SPTAN1: variants seen among roughly 807,000 people sequenced by gnomAD.
SPTAN1 encodes spectrin alpha, non-erythrocytic 1, also known as spectrin alpha chain, non-erythrocytic 1.
In SPTAN1, 61 loss-of-function variants were observed where a neutral mutation model predicts 331.3. That is an observed-to-expected ratio of 0.18 (90% CI 0.15 to 0.23). SPTAN1 has a LOEUF of 0.23. Ranked by LOEUF, SPTAN1 falls within the 10% of genes least tolerant of loss-of-function variation. The pLI is 1.00. For missense variants in SPTAN1, 2,043 were observed against 3,147.9 expected, an observed-to-expected ratio of 0.65 and a Z score of 8.40; for synonymous variants, 1,153 against 1,173.9, an observed-to-expected ratio of 0.98 and a Z score of 0.36.
At chr9:128,614,159 T>TA (rs1357235151) in intron 40 of SPTAN1, among the ~76,000 whole-genome samples, 1 of 152,034 alleles carries the variant, frequency 6.6e-6, no homozygotes, top group Non-Finnish European at 1.5e-5. Flanking sequence ...CATAGTTTCT[T>TA]AAAGCTTAGC....
chr9:128,577,426 G>A lies in SPTAN1; in HGVS notation c.1005G>A (p.Lys335=). The A allele has an allele frequency of 1.2e-6, 2 of 1,614,224 alleles. No homozygotes were observed. The highest frequency in any genetic ancestry group is 1.7e-6 in the Non-Finnish European group (2 of 1,180,038). Residue 335 remains lysine (K), a synonymous_variant, in exon 8 of 57, where the codon AAG becomes AAA. Transcript: ENST00000372739. This position sits in a 1 kb window ranked among gnomAD's most constrained non-coding sequence, Gnocchi z 4.2. ...HPLSATQIQV[K]REELITNWEQ... Reference sequence around the variant, plus strand: ...TGAGTGCAACACAGATTCAAGTGAAGCGAGAGGAACTGATTACAAACTGGG... The same window carrying A: ...TGAGTGCAACACAGATTCAAGTGAAACGAGAGGAACTGATTACAAACTGGG...
At position 128,632,832 on chromosome 9, in the gene SPTAN1, A is replaced by G. The variant is rs752726334; in HGVS notation, c.7185A>G (p.Glu2395=). The G allele has an allele frequency of 6.2e-7, 1 of 1,614,094 alleles. No homozygotes were observed. Among genetic ancestry groups the G allele is most frequent in the Admixed American group, 1.7e-5 (1 of 60,016 alleles). The change falls in exon 56 of 57, where the codon GAA becomes GAG. Residue 2395 remains glutamate (E), a synonymous_variant. Coordinates refer to ENST00000372739, the MANE Select transcript of SPTAN1 (RefSeq NM_001130438.3). ...GAGATGGCCATGTCTCCTTGCAAGA[A>G]TACATGGCTTTCATGATCAGCCGCG... ...PNRDGHVSLQ[E]YMAFMISRET... is the part of the protein sequence containing the mutation.
intron 1 of SPTAN1, among the ~76,000 whole-genome samples, chr9:128,557,818 T>G (rs1848818752): frequency 6.8e-6 from 1 of 147,574 alleles, no homozygotes; most frequent in Admixed American, 6.8e-5. Context: ...TTTTTTTTTT[T>G]TTTGAGACGG....
chr9:128,618,811 C>CA, intron 43 of SPTAN1, 60 bp from the exon 44 acceptor site: 1 of 1,613,120 alleles, frequency 6.2e-7, no homozygotes, highest in Non-Finnish European at 8.5e-7. Context: ...CATATGTTAA[C>CA]TATCACAATC....
chr9:128,567,631 C>A (rs549268133), intron 2 of SPTAN1, among the ~76,000 whole-genome samples: 1 of 151,676 alleles, frequency 6.6e-6, no homozygotes, highest in Admixed American at 6.6e-5. Context: ...ATGTTGCTGG[C>A]AAAAATTTAT....
At chr9:128,594,034 ACT>A in intron 23 of SPTAN1, 139 bp from the exon 24 acceptor site, 3 of 785,026 alleles carry the variant, frequency 3.8e-6, no homozygotes, top group Non-Finnish European at 6.6e-6. Context: ...TCATCTGATA[ACT>A]CTGTTACTAG....
intron 21 of SPTAN1, 113 bp from the exon 22 acceptor site, chr9:128,591,364 C>T (rs1853494291): frequency 7.1e-7 from 1 of 1,414,198 alleles, no homozygotes; most frequent in African/African-American, 1.4e-5. Context: ...CTGTGGCCGG[C>T]CGTTTTGGAC....
chr9:128,600,169 T>C (rs893551224), intron 27 of SPTAN1, 54 bp downstream of exon 27: 1 of 1,577,708 alleles, frequency 6.3e-7, no homozygotes, highest in Non-Finnish European at 8.7e-7. Flanking sequence ...GATCATGAAA[T>C]ATGTCCTTTT....
chr9:128,602,439 TCTC>T (rs1176876572), intron 27 of SPTAN1, among the ~76,000 whole-genome samples: 2 of 151,384 alleles, frequency 1.3e-5, no homozygotes, highest in African/African-American at 4.9e-5. Context: ...CTGGTATTGA[TCTC>T]CTAACCTCAC....
rs1856325284 is a variant in SPTAN1, at chr9:128,609,502, A to G, written c.4759-149A>G. On this transcript the variant is annotated intron_variant, in intron 36 of 56. Coordinates refer to ENST00000372739, the MANE Select transcript of SPTAN1 (RefSeq NM_001130438.3). ...CTCCATTAAAACTATTTCTGCTGTA[A>G]TAAAAGTCTATAGAATCCCCCTTCT... The G allele has an allele frequency of 4.2e-6, 4 of 945,676 alleles. No homozygotes were observed. The South Asian group carries it at 6.5e-5, about 15-fold the overall frequency. The allele number at this position is 945,676 out of a possible 1,614,324, so 58.6% of individuals were successfully genotyped here.
intron 29 of SPTAN1, 65 bp downstream of exon 29, chr9:128,604,482 C>A: frequency 6.6e-7 from 1 of 1,505,118 alleles, no homozygotes; most frequent in Non-Finnish European, 9.1e-7. Flanking sequence ...TGACAGCCCC[C>A]AAGCTTGCTG....
intron 1 of SPTAN1, among the ~76,000 whole-genome samples, chr9:128,563,112 G>A (rs750606387): frequency 4.6e-5 from 7 of 150,822 alleles, no homozygotes; most frequent in African/African-American, 9.7e-5. Context: ...AGGACTTGAC[G>A]TCTGTTTTAA....
chr9:128,575,228 C>T lies in SPTAN1; in HGVS notation c.534C>T (p.Gly178=). 1 of 1,614,078 alleles carries T rather than the reference C, an allele frequency of 6.2e-7. No individual in the cohort carries two copies. Among genetic ancestry groups the T allele is most frequent in the Non-Finnish European group, 8.5e-7 (1 of 1,180,018 alleles). ...CAATTGTTACTTCTGAAGAGCTGGG[C>T]CAGGATCTGGAGCATGTAGAGGTTT... ...KEAIVTSEEL[G]QDLEHVEVLQ... Residue 178 remains glycine, a synonymous_variant, in exon 5 of 57, where the codon GGC becomes GGT. Coordinates refer to ENST00000372739, the MANE Select transcript of SPTAN1 (RefSeq NM_001130438.3).
intron 10 of SPTAN1, 74 bp from the exon 11 acceptor site, chr9:128,580,848 G>C: frequency 6.2e-7 from 1 of 1,602,832 alleles, no homozygotes; most frequent in Non-Finnish European, 8.5e-7. Context: ...GGAATTCCAG[G>C]ATAGCTGTTC....
At position 128,627,091 on chromosome 9, in the gene SPTAN1, G is replaced by A. The variant is rs765426245; in HGVS notation, c.6577-295G>A. On this transcript the variant is annotated intron_variant, in intron 49 of 56. Transcript: ENST00000372739. This position sits in a 1 kb window ranked among gnomAD's most constrained non-coding sequence, Gnocchi z 4.9. ...GCCTCCCAAAGTGCTGGGATTACAG[G>A]TGTGAGCCACTGTACCCAGCCAGAA... is the stretch of plus-strand genomic sequence containing the variant. 9.9e-5 allele frequency: 56 copies of A among 568,246 alleles called. 2 individuals are homozygous for A. The highest frequency in any genetic ancestry group is 8.2e-4 in the South Asian group (54 of 65,466). 35.2% of individuals were successfully genotyped at this position (568,246 alleles called of 1,614,324 possible).
chr9:128,602,738 C>T (rs752797760), intron 27 of SPTAN1, among the ~76,000 whole-genome samples: 1 of 152,040 alleles, frequency 6.6e-6, no homozygotes, highest in East Asian at 1.9e-4. Context: ...CAGGTTCAAG[C>T]GATTCTCATG....
rs1158342389 is a variant in SPTAN1, at chr9:128,555,358, T to C, written c.-4+2662T>C. The C allele has an allele frequency of 5.4e-5, 69 of 1,289,358 alleles. 1 individual carries two copies. The highest frequency in any genetic ancestry group is 1.0e-5 in the Non-Finnish European group (10 of 988,632). The allele number at this position is 1,289,358 out of a possible 1,614,324, so 79.9% of individuals were successfully genotyped here. ...CCCCCTCCCTCTTTAGACTCCACAT[T>C]CCTCCATCATGTTGTCATCGTTTCG... is the stretch of plus-strand genomic sequence containing the variant. On this transcript the variant is annotated intron_variant, in intron 1 of 56. Coordinates refer to ENST00000372739, the MANE Select transcript of SPTAN1 (RefSeq NM_001130438.3).
In SPTAN1 at chr9:128,618,959, C is replaced by G. The variant is rs755434212; in HGVS notation, c.5689C>G (p.Leu1897Val). The G allele has an allele frequency of 1.2e-6, 2 of 1,614,054 alleles. No individual in the cohort carries two copies. Among genetic ancestry groups the G allele is most frequent in the Non-Finnish European group, 1.7e-6 (2 of 1,179,958 alleles). ...EEAWINEKMT[L>V]VASEDYGDTL... ...AGCCTGGATCAATGAGAAAATGACC[C>G]TGGTGGCCAGCGAAGATTATGGCGA... is the stretch of plus-strand genomic sequence containing the variant. Residue 1897 changes from leucine to valine, a missense_variant, in exon 44 of 57, where the codon CTG (leucine) becomes GTG (valine). By Grantham distance (32) the Leu-to-Val change is conservative (BLOSUM62 1). Around this residue, in one of 12 missense-constraint regions of SPTAN1, gnomAD observed 323 missense variants for 581.1 expected, o/e 0.56. Coordinates refer to ENST00000372739, the MANE Select transcript of SPTAN1 (RefSeq NM_001130438.3).
rs962832356 is a variant in SPTAN1 at position 128,570,701 on chromosome 9, G to A, written c.363+1804G>A. The stretch of plus-strand genomic sequence containing the variant: ...GATGGAGTTTTGCTCTTGTTGCCCC[G>A]GCTGGAGTGGAATGGCACGATCCCG... On this transcript the variant is annotated intron_variant, in intron 3 of 56. Coordinates refer to ENST00000372739, the MANE Select transcript of SPTAN1 (RefSeq NM_001130438.3). 6.2e-5 allele frequency among the ~76,000 whole-genome samples: 9 copies of A among 145,354 alleles called. No homozygotes were observed. In the South Asian group the frequency reaches 6.6e-4, roughly 11 times the overall value.
Sources: gnomAD v4.1 joint callset for allele counts (sites outside exome capture counted in the v4.1 genomes callset) on GRCh38, gnomAD v4.1.1 for gene constraint, gnomAD v4.1.1 regional missense constraint, Gnocchi (gnomAD v3.1) non-coding constraint, MANE v1.5 for transcripts, NCBI Gene and HGNC (gene_info 2026-07-23, HGNC 2026-07-21) for gene names.